Variants in ADGRG2 observed in about 807,000 individuals in gnomAD.
The protein encoded by ADGRG2 is adhesion G protein-coupled receptor G2.
Under a neutral mutation model 74.1 loss-of-function variants are expected in ADGRG2, and 26 were observed. That is an observed-to-expected ratio of 0.35 (90% CI 0.26 to 0.49). The LOEUF is 0.49. ADGRG2 is among the 20% of genes least tolerant of loss of function. The pLI, the probability that ADGRG2 is intolerant of heterozygous loss-of-function variation, is 0.99. For synonymous variants in ADGRG2, 296 were observed against 295.2 expected (o/e 1.00, Z -0.03); for missense variants, 619 against 763.1 (o/e 0.81, Z 2.22).
intron 3 of ADGRG2, among the ~76,000 whole-genome samples, chrX:19,060,201 C>T (rs1423287746): frequency 8.9e-6 from 1 of 112,336 alleles, no homozygotes; most frequent in East Asian, 2.8e-4. Context: ...AAGAGCAAGG[C>T]AAGGACAGCA....
At chrX:19,001,268 T>A (rs1303439453) in intron 24 of ADGRG2, among the ~76,000 whole-genome samples, 1 of 109,927 alleles carries the variant, frequency 9.1e-6, no homozygotes, top group Non-Finnish European at 1.9e-5. Context: ...TCCCCCAAGT[T>A]TAAAATGGCT....
rs925201557 is a variant in ADGRG2 at position 18,990,577 on chromosome X, A to C, written c.*287T>G. 5.6e-6 allele frequency: 1 copy of C among 177,975 alleles called. No homozygotes were observed. The highest frequency in any genetic ancestry group is 1.0e-5 in the Non-Finnish European group (1 of 96,394). 14.7% of individuals were successfully genotyped at this position (177,975 alleles called of 1,213,427 possible). On this transcript the variant is annotated 3_prime_UTR_variant, in exon 29 of 29. Transcript: ENST00000379869. The stretch of plus-strand genomic sequence containing the variant: ...CTCTTTAAAAGGTAGCTGAAAGTTC[A>C]CTACCTTTTTTTGTTTTCTTTATAG...
At chrX:19,086,218 G>A (rs1395286063) in intron 1 of ADGRG2, among the ~76,000 whole-genome samples, 1 of 111,301 alleles carries the variant, frequency 9.0e-6, no homozygotes, top group East Asian at 2.8e-4. Flanking sequence ...ACAAAACATA[G>A]TGACTACCAA....
intron 16 of ADGRG2, among the ~76,000 whole-genome samples, chrX:19,013,315 C>T (rs1657858349): frequency 8.9e-6 from 1 of 111,823 alleles, no homozygotes; most frequent in Non-Finnish European, 1.9e-5. Context: ...AGAAAATCTC[C>T]AACTCCATCA....
At chrX:19,089,346 T>A (rs2061979054) in intron 1 of ADGRG2, among the ~76,000 whole-genome samples, 1 of 110,976 alleles carries the variant, frequency 9.0e-6, no homozygotes, top group Non-Finnish European at 1.9e-5. Flanking sequence ...CTAGGCTTAA[T>A]ACCTGGGTGA....
intron 1 of ADGRG2, among the ~76,000 whole-genome samples, chrX:19,094,185 T>C (rs986121741): frequency 9.0e-6 from 1 of 110,770 alleles, no homozygotes; most frequent in Non-Finnish European, 1.9e-5. Flanking sequence ...AGAGTATGGA[T>C]AGATGGACAT....
In ADGRG2 at chrX:19,030,520, G is replaced by A. The variant is rs936034353; in HGVS notation, c.358+464C>T. ...CTGGAATTAGCATCCACTTAAACTA[G>A]GTGTACTTGAGTTTTCAACATTCAA... On this transcript the variant is annotated intron_variant, in intron 9 of 28. Transcript: ENST00000379869. Among the ~76,000 whole-genome samples the A allele has an allele frequency of 5.4e-5, 6 of 112,046 alleles. No individual in the cohort carries two copies. In the Admixed American group the frequency reaches 5.7e-4, roughly 11 times the overall value.
intron 3 of ADGRG2, among the ~76,000 whole-genome samples, chrX:19,061,927 G>C (rs181406049): frequency 3.8e-4 from 42 of 111,732 alleles, no homozygotes; most frequent in African/African-American, 1.4e-3. Context: ...TCATCCTGCA[G>C]GGCTCCTGGG....
intron 3 of ADGRG2, among the ~76,000 whole-genome samples, chrX:19,040,914 C>T (rs935808035): frequency 1.8e-5 from 2 of 110,916 alleles, no homozygotes; most frequent in Non-Finnish European, 3.8e-5. Flanking sequence ...ATGACATTAA[C>T]ATGTTAGTAT....
chrX:19,063,868 C>T (rs769342513), intron 3 of ADGRG2, among the ~76,000 whole-genome samples: 1 of 111,464 alleles, frequency 9.0e-6, no homozygotes, highest in Admixed American at 9.5e-5. Context: ...GGGAGGGTCC[C>T]CAGAAGCAGA....
At chrX:19,100,454 A>G (rs916470108) in intron 1 of ADGRG2, among the ~76,000 whole-genome samples, 1 of 113,300 alleles carries the variant, frequency 8.8e-6, no homozygotes, top group African/African-American at 3.2e-5. Context: ...TTACAGAAAC[A>G]GATGGAGGGC....
At chrX:19,081,850 G>C (rs2061850786) in intron 2 of ADGRG2, among the ~76,000 whole-genome samples, 1 of 110,353 alleles carries the variant, frequency 9.1e-6, no homozygotes, top group African/African-American at 3.3e-5. Context: ...TGAAGCAGGA[G>C]GATGGATTGA....
chrX:19,053,651 CTA>C (rs1288774185), intron 3 of ADGRG2, among the ~76,000 whole-genome samples: 3 of 112,255 alleles, frequency 2.7e-5, no homozygotes, highest in Non-Finnish European at 5.6e-5. Flanking sequence ...TTCATAGGTA[CTA>C]CTGTTAAAGT....
At chrX:19,092,134 C>T (rs1302873794) in intron 1 of ADGRG2, among the ~76,000 whole-genome samples, 2 of 111,962 alleles carry the variant, frequency 1.8e-5, no homozygotes, top group Admixed American at 9.5e-5. Flanking sequence ...AGCCACCGGC[C>T]CTCTGCCAGC....
intron 6 of ADGRG2, among the ~76,000 whole-genome samples, chrX:19,037,149 A>G (rs2060958576): frequency 8.9e-6 from 1 of 112,343 alleles, no homozygotes; most frequent in Non-Finnish European, 1.9e-5. Flanking sequence ...CATTTAAACA[A>G]TCTGTCATGT....
chrX:19,097,309 C>T lies in ADGRG2; in HGVS notation c.-46-14563G>A, dbSNP rs767426702. Among the ~76,000 whole-genome samples the T allele has an allele frequency of 2.8e-3, 310 of 112,315 alleles. 1 individual carries two copies. The highest frequency in any genetic ancestry group is 3.8e-3 in the Non-Finnish European group (202 of 53,257). ...GGTGGATCACTTGAGGTCAGGAGTT[C>T]GAGACCAGCCTGGCCAACATGGCAA... On this transcript the variant is annotated intron_variant, in intron 1 of 28. Transcript: ENST00000379869.
intron 3 of ADGRG2, among the ~76,000 whole-genome samples, chrX:19,043,616 A>AT (rs1051302519): frequency 9.0e-6 from 1 of 111,132 alleles, no homozygotes; most frequent in Non-Finnish European, 1.9e-5. Context: ...CTCCCTAGTG[A>AT]TTTTTTTAAA....
chrX:19,057,840 A>G (rs906095694), intron 3 of ADGRG2, among the ~76,000 whole-genome samples: 4 of 111,637 alleles, frequency 3.6e-5, no homozygotes, highest in Non-Finnish European at 7.5e-5. Flanking sequence ...CCCTGTCTCT[A>G]AAAAATAAAA....
intron 7 of ADGRG2, chrX:19,034,887 A>T (rs1433034088): frequency 2.7e-5 from 3 of 109,830 alleles, no homozygotes; most frequent in African/African-American, 6.6e-5. Flanking sequence ...TGAGCCAAGA[A>T]GGCGCCACTG....
Sources: allele counts gnomAD v4.1 joint callset (sites outside exome capture counted in the v4.1 genomes callset), GRCh38; gene constraint gnomAD v4.1.1; transcripts MANE v1.5; gene names NCBI Gene and HGNC (gene_info 2026-07-23, HGNC 2026-07-21).